Variants in AFTPH observed in about 807,000 individuals in gnomAD.
The protein encoded by AFTPH is aftiphilin, also known as aftiphilin protein.
A neutral mutation model predicts 72.5 loss-of-function variants in AFTPH; 7 were observed. The observed-to-expected ratio is 0.10, with a 90% CI of 0.05 to 0.18. The LOEUF (loss-of-function observed/expected upper bound fraction) is 0.18. Among genes scored for constraint, AFTPH ranks in the 10% least tolerant of loss-of-function variants. AFTPH has a pLI of 1.00. For missense variants in AFTPH, 979 were observed against 1,060.5 expected (o/e 0.92, Z 1.07); for synonymous variants, 337 against 370.1 (o/e 0.91, Z 1.03).
intron 1 of AFTPH, among the ~76,000 whole-genome samples, chr2:64,539,844 G>A (rs873171): frequency 0.025 from 3,787 of 152,212 alleles, 123 homozygotes; most frequent in East Asian, 0.11. Flanking sequence ...GGGAAGTTAG[G>A]AAGTCGAGAG....
chr2:64,531,492 G>A (rs1309680393), intron 1 of AFTPH, among the ~76,000 whole-genome samples: 1 of 152,140 alleles, frequency 6.6e-6, no homozygotes, highest in Non-Finnish European at 1.5e-5. Context: ...CCTGAGATAT[G>A]CCTTTATTTG....
At chr2:64,551,649 T>C (rs1382477265) in exon 2 of AFTPH, 2 of 1,613,902 alleles carry the variant, frequency 1.2e-6, no homozygotes, top group African/African-American at 1.3e-5. Context: ...CAAGGAAGAG[T>C]TTGTACCTTC....
intron 1 of AFTPH, among the ~76,000 whole-genome samples, chr2:64,528,055 T>A (rs1669386781): frequency 1.3e-5 from 2 of 152,242 alleles, no homozygotes; most frequent in Admixed American, 1.3e-4. Context: ...TGTCAGTCAC[T>A]GTCACCCTTG....
At chr2:64,563,869 G>T (rs889855308) in intron 2 of AFTPH, among the ~76,000 whole-genome samples, 1 of 152,176 alleles carries the variant, frequency 6.6e-6, no homozygotes, top group African/African-American at 2.4e-5. Context: ...GCCTCCCAAA[G>T]TGCTGGAATT....
At position 64,551,724 on chromosome 2, in the gene AFTPH, A is replaced by T. The variant is rs779527106; in HGVS notation, c.250A>T (p.Ile84Phe). ...AGATAGCCTTACAAGCTTTAAGTCCATTAAAAATGGTAATGATAAGGACAT... is the reference window on the plus strand; with the variant it reads ...AGATAGCCTTACAAGCTTTAAGTCCTTTAAAAATGGTAATGATAAGGACAT... Residue 84 changes from isoleucine (I) to phenylalanine (F), a missense_variant, in exon 2 of 9, where the codon ATT becomes TTT. By Grantham distance (21) the Ile-to-Phe change is conservative. Transcript: ENST00000238856. 1.9e-6 allele frequency: 3 copies of T among 1,613,678 alleles called. No individual in the cohort carries two copies. The African/African-American group carries it at 4.0e-5, about 22-fold the overall frequency.
rs538678356 is a variant in AFTPH, at chr2:64,529,446, TTC to T, written c.-33+4837_-33+4838del. On this transcript the variant is annotated intron_variant, in intron 1 of 8. Coordinates refer to ENST00000238856, the Ensembl canonical transcript of AFTPH. ...TTATTTTTGCTGTTCTCTTGTATTA[TTC>T]TCCTTAATTAGCTGTAAGTTTCTTT... Among the ~76,000 whole-genome samples the T allele has an allele frequency of 1.1e-3, 163 of 152,292 alleles. 1 individual carries two copies. The highest frequency in any genetic ancestry group is 3.7e-3 in the African/African-American group (153 of 41,568).
intron 7 of AFTPH, among the ~76,000 whole-genome samples, chr2:64,582,972 A>AT (rs1454819308): frequency 6.6e-6 from 1 of 152,214 alleles, no homozygotes; most frequent in African/African-American, 2.4e-5. Flanking sequence ...GCATGGTCAA[A>AT]TGCAGTTCTC....
intron 8 of AFTPH, among the ~76,000 whole-genome samples, chr2:64,590,337 T>C (rs946045575): frequency 5.9e-5 from 9 of 152,194 alleles, no homozygotes; most frequent in Non-Finnish European, 8.8e-5. Context: ...TTCCTGTAAA[T>C]TGGAAATTAT....
At chr2:64,527,494 C>T (rs550363614) in intron 1 of AFTPH, among the ~76,000 whole-genome samples, 7 of 151,754 alleles carry the variant, frequency 4.6e-5, no homozygotes, top group African/African-American at 1.2e-4. Context: ...GCAGGGGAAT[C>T]GCTTGAACCC....
At position 64,544,293 on chromosome 2, in the gene AFTPH, G is replaced by A. The variant is rs181798217; in HGVS notation, c.-32-7150G>A. Among the ~76,000 whole-genome samples, 3 of 152,238 alleles carry A rather than the reference G, an allele frequency of 2.0e-5. No individual in the cohort carries two copies. In the East Asian group the frequency reaches 5.8e-4, roughly 29 times the overall value. ...GATATCCTGTTTGCTACCCAATTAT[G>A]AGACCCTCCTGTCAACTGTTTTTGT... is the stretch of plus-strand genomic sequence containing the variant. On this transcript the variant is annotated intron_variant, in intron 1 of 8. Transcript: ENST00000238856.
intron 6 of AFTPH, among the ~76,000 whole-genome samples, chr2:64,576,113 A>T (rs1672772770): frequency 8.2e-6 from 1 of 122,212 alleles, no homozygotes. Context: ...ACACACACAC[A>T]CACACGTGTG....
intron 1 of AFTPH, among the ~76,000 whole-genome samples, chr2:64,541,255 G>A (rs897630315): frequency 2.0e-5 from 3 of 152,066 alleles, no homozygotes; most frequent in Admixed American, 1.3e-4. Flanking sequence ...GTGAAAACAC[G>A]TGGAAGATAC....
chr2:64,579,599 A>C, intron 7 of AFTPH, 53 bp downstream of exon 7: 1 of 1,502,808 alleles, frequency 6.7e-7, no homozygotes, highest in East Asian at 2.3e-5. Flanking sequence ...AGAAAGCTAC[A>C]AAGTTCAGAC....
chr2:64,579,646 A>G (rs577905158), intron 7 of AFTPH, 100 bp downstream of exon 7: 8 of 1,087,736 alleles, frequency 7.4e-6, no homozygotes, highest in East Asian at 2.4e-5. Context: ...TTGTTTGAAC[A>G]TAACTTATTC....
intron 7 of AFTPH, 114 bp downstream of exon 8, chr2:64,581,387 T>G: frequency 1.3e-6 from 1 of 796,246 alleles, no homozygotes; most frequent in East Asian, 3.3e-5. Context: ...TAATGTCTTT[T>G]TAATACTTTT....
At chr2:64,581,252 A>G (rs767762505) in intron 7 of AFTPH, 4 of 1,599,320 alleles carry the variant, frequency 2.5e-6, no homozygotes, top group Middle Eastern at 1.7e-4. Context: ...CAGTAGCTCT[A>G]GCAGCAGCAC....
chr2:64,560,277 G>A (rs895512357), intron 2 of AFTPH, among the ~76,000 whole-genome samples: 9 of 151,976 alleles, frequency 5.9e-5, no homozygotes, highest in African/African-American at 2.2e-4. Context: ...GACAGAACTA[G>A]GAATGAGTAA....
At chr2:64,582,372 T>C (rs1459164322) in intron 7 of AFTPH, among the ~76,000 whole-genome samples, 2 of 152,190 alleles carry the variant, frequency 1.3e-5, no homozygotes, top group African/African-American at 4.8e-5. Context: ...TCTTGAGATC[T>C]GGTTATGCAA....
chr2:64,551,620 C>T (rs780431309), exon 2 of AFTPH: 44 of 1,613,856 alleles, frequency 2.7e-5, no homozygotes, highest in Non-Finnish European at 3.5e-5. Context: ...GATTTCGATA[C>T]ACCAGATTAT....
Sources: allele counts gnomAD v4.1 joint callset (sites outside exome capture counted in the v4.1 genomes callset), GRCh38; gene constraint gnomAD v4.1.1; transcripts MANE v1.5; gene names NCBI Gene and HGNC (gene_info 2026-07-23, HGNC 2026-07-21).